ARHGAP12: variants seen among roughly 807,000 people sequenced by gnomAD.
The protein encoded by ARHGAP12 is rho GTPase-activating protein 12.
ARHGAP12 carries 64 observed loss-of-function variants against 108.6 expected under a neutral mutation model. The observed-to-expected ratio is 0.59, with a 90% CI of 0.48 to 0.73. The LOEUF (loss-of-function observed/expected upper bound fraction) is 0.73. Ranked by LOEUF, ARHGAP12 falls within the 30% of genes least tolerant of loss-of-function variation. The pLI is 0.00. For synonymous variants in ARHGAP12, 312 were observed against 337.2 expected (o/e 0.93, Z 0.82); for missense variants, 940 against 1,005.9 (o/e 0.93, Z 0.89).
At position 31,854,174 on chromosome 10, in the gene ARHGAP12, A is replaced by G. The variant is rs1836800835; in HGVS notation, c.981T>C (p.Thr327=). 4 of 1,612,360 alleles carry G rather than the reference A, an allele frequency of 2.5e-6. No individual in the cohort carries two copies. The highest frequency in any genetic ancestry group is 3.4e-6 in the Non-Finnish European group (4 of 1,179,476). The change falls in exon 5 of 20, where the codon ACT becomes ACC. Residue 327 remains threonine, a synonymous_variant. Coordinates refer to ENST00000344936, the MANE Select transcript of ARHGAP12 (RefSeq NM_018287.7). The part of the protein sequence containing the change: ...LLSSEENYYS[T]SYSQSDSQCG... ...ACTGACTATCTGACTGGCTGTAAGA[A>G]GTGCTGTAGTAGTTTTCTTCCGATG... is the stretch of plus-strand genomic sequence containing the variant.
rs182167975 is a variant in ARHGAP12, at chr10:31,808,918, A to T, written c.2263+76T>A. On this transcript the variant is annotated intron_variant, in intron 18 of 19. Coordinates refer to ENST00000344936, the MANE Select transcript of ARHGAP12 (RefSeq NM_018287.7). ...TGAAAATACTTGCTTAAAGTAAGATAAAAAAAATTGGGTGGCTTAATCTGT... is the reference window on the plus strand; with the variant it reads ...TGAAAATACTTGCTTAAAGTAAGATTAAAAAAATTGGGTGGCTTAATCTGT... 91 of 1,418,874 alleles carry T rather than the reference A, an allele frequency of 6.4e-5. No homozygotes were observed. In the African/African-American group the frequency reaches 1.1e-3, roughly 17 times the overall value. The allele number at this position is 1,418,874 out of a possible 1,614,324, so 87.9% of individuals were successfully genotyped here.
intron 1 of ARHGAP12, among the ~76,000 whole-genome samples, chr10:31,926,183 A>C (rs966551637): frequency 1.3e-5 from 2 of 152,206 alleles, no homozygotes; most frequent in Non-Finnish European, 2.9e-5. Flanking sequence ...TAGAGACTAC[A>C]CCATTTGGCA....
chr10:31,904,444 G>A (rs1365719552), intron 3 of ARHGAP12, among the ~76,000 whole-genome samples: 12 of 152,256 alleles, frequency 7.9e-5, no homozygotes, highest in Non-Finnish European at 2.9e-5. Context: ...GGTTAAGGAG[G>A]GTTAAGATGG....
chr10:31,877,176 G>A (rs534920731), intron 3 of ARHGAP12, among the ~76,000 whole-genome samples: 18 of 152,252 alleles, frequency 1.2e-4, no homozygotes, highest in East Asian at 3.9e-4. Flanking sequence ...ACGCTGTTGC[G>A]CATTAGAATG....
chr10:31,825,732 C>T (rs748329684), intron 11 of ARHGAP12, among the ~76,000 whole-genome samples: 40 of 152,116 alleles, frequency 2.6e-4, no homozygotes, highest in Non-Finnish European at 5.3e-4. Context: ...TTATATGTCA[C>T]AAATTATAAT....
chr10:31,844,156 T>G (rs566994728), intron 6 of ARHGAP12, among the ~76,000 whole-genome samples: 3 of 152,194 alleles, frequency 2.0e-5, no homozygotes, highest in Non-Finnish European at 4.4e-5. Flanking sequence ...TCCTAGTTTG[T>G]AGCCCATCTT....
intron 11 of ARHGAP12, among the ~76,000 whole-genome samples, chr10:31,822,762 T>C (rs1592254324): frequency 6.6e-6 from 1 of 152,202 alleles, no homozygotes; most frequent in East Asian, 1.9e-4. Context: ...CCCTACCATC[T>C]AGCCTGCCTT....
chr10:31,852,725 AATT>A, intron 5 of ARHGAP12, 128 bp from the exon 6 acceptor site: 1 of 581,860 alleles, frequency 1.7e-6, no homozygotes, highest in Non-Finnish European at 2.9e-6. Context: ...TGCAACAAAA[AATT>A]CTTTTTTTTT....
chr10:31,818,076 T>C (rs1011778364), intron 12 of ARHGAP12, among the ~76,000 whole-genome samples, 190 bp from the exon 13 acceptor site: 1 of 152,108 alleles, frequency 6.6e-6, no homozygotes, highest in Non-Finnish European at 1.5e-5. Context: ...ATCAGTTGAA[T>C]AAAAAAACAT....
chr10:31,908,977 T>C, intron 2 of ARHGAP12, 51 bp from the exon 3 acceptor site: 3 of 957,648 alleles, frequency 3.1e-6, no homozygotes. Context: ...TAATGCAATC[T>C]GGATTTCGTA....
chr10:31,810,869 A>AT (rs1169327782), intron 15 of ARHGAP12, 122 bp from the exon 16 acceptor site: 1 of 688,900 alleles, frequency 1.5e-6, no homozygotes, highest in African/African-American at 1.9e-5. Context: ...ACATGGCCCT[A>AT]TGCCTTATGC....
At chr10:31,869,883 A>C (rs1222982148) in intron 3 of ARHGAP12, among the ~76,000 whole-genome samples, 1 of 152,230 alleles carries the variant, frequency 6.6e-6, no homozygotes, top group East Asian at 1.9e-4. Context: ...AATTGCTTCT[A>C]TAATAAACTT....
At chr10:31,891,424 C>T (rs1838425169) in intron 3 of ARHGAP12, among the ~76,000 whole-genome samples, 2 of 152,332 alleles carry the variant, frequency 1.3e-5, no homozygotes, top group African/African-American at 2.4e-5. Flanking sequence ...TCTCTTCTGG[C>T]TTGCAGAGTT....
chr10:31,861,791 AAAT>A lies in ARHGAP12; in HGVS notation c.685-136_685-134del, dbSNP rs1743695980. The A allele has an allele frequency of 4.7e-6, 4 of 847,128 alleles. No homozygotes were observed. The South Asian group carries it at 7.7e-5, about 16-fold the overall frequency. 52.5% of individuals were successfully genotyped at this position (847,128 alleles called of 1,614,324 possible). A position where few individuals can be genotyped will look rare whatever the true frequency, so the allele number is the denominator to read the frequency against. ...ATATACAGGTGAATATATTCTGAGG[AAAT>A]AATAATTTAACAGTTTTAATATTCA... On this transcript the variant is annotated intron_variant, in intron 3 of 19. Transcript: ENST00000344936.
intron 9 of ARHGAP12, among the ~76,000 whole-genome samples, 164 bp from the exon 10 acceptor site, chr10:31,831,964 T>G (rs1031818359): frequency 1.3e-5 from 2 of 152,194 alleles, no homozygotes; most frequent in African/African-American, 4.8e-5. Context: ...AGAATATAAC[T>G]TTCCTAATAC....
At chr10:31,813,257 T>C (rs778323294) in intron 14 of ARHGAP12, among the ~76,000 whole-genome samples, 3 of 152,108 alleles carry the variant, frequency 2.0e-5, no homozygotes, top group Non-Finnish European at 1.5e-5. Context: ...AAACTGGATA[T>C]ACACACAAAT....
intron 6 of ARHGAP12, among the ~76,000 whole-genome samples, chr10:31,848,366 T>G (rs188037995): frequency 1.6e-4 from 25 of 152,358 alleles, no homozygotes; most frequent in African/African-American, 5.5e-4. Flanking sequence ...TGATTTATTT[T>G]TATTTATCCT....
At chr10:31,904,335 A>T (rs1003857086) in intron 3 of ARHGAP12, among the ~76,000 whole-genome samples, 1 of 152,232 alleles carries the variant, frequency 6.6e-6, no homozygotes, top group African/African-American at 2.4e-5. Flanking sequence ...ACAGAGTTAC[A>T]CTGAATGAAA....
chr10:31,847,380 T>C (rs1427162683), intron 6 of ARHGAP12, among the ~76,000 whole-genome samples: 1 of 152,184 alleles, frequency 6.6e-6, no homozygotes, highest in Non-Finnish European at 1.5e-5. Flanking sequence ...TTATGGCCCA[T>C]AGTTCAAATG....
Sources: allele counts gnomAD v4.1 joint callset (sites outside exome capture counted in the v4.1 genomes callset), GRCh38; gene constraint gnomAD v4.1.1; transcripts MANE v1.5; gene names NCBI Gene and HGNC (gene_info 2026-07-23, HGNC 2026-07-21).